Variants in BNC2 observed in about 807,000 individuals in gnomAD.
BNC2 encodes the protein basonuclin zinc finger protein 2.
Under a neutral mutation model 76.3 loss-of-function variants are expected in BNC2, and 20 were observed. The observed-to-expected ratio is 0.26, with a 90% confidence interval of 0.18 to 0.38. BNC2 has a LOEUF of 0.38. BNC2 is among the 10% of genes least tolerant of loss of function. The probability of loss-of-function intolerance (pLI) is 1.00; values close to 1 mark genes in which losing one functional copy is unlikely to be tolerated. For synonymous variants in BNC2, 582 were observed against 514.8 expected, an observed-to-expected ratio of 1.13 and a Z score of -1.77; for missense variants, 1,382 against 1,399.8, an observed-to-expected ratio of 0.99 and a Z score of 0.20.
chr9:16,650,225 C>T (rs977152639), intron 3 of BNC2, among the ~76,000 whole-genome samples: 4 of 152,136 alleles, frequency 2.6e-5, no homozygotes, highest in Admixed American at 1.3e-4. Flanking sequence ...TATTCTTAAA[C>T]GGAATTTTAC....
At chr9:16,832,418 A>G in intron 1 of BNC2, 1 of 564,118 alleles carries the variant, frequency 1.8e-6, no homozygotes, top group Non-Finnish European at 2.5e-6. Flanking sequence ...GTTCCTTTCA[A>G]GAACATAGCT....
chr9:16,423,889 T>C (rs993762828), intron 6 of BNC2, among the ~76,000 whole-genome samples: 11 of 152,154 alleles, frequency 7.2e-5, no homozygotes, highest in Non-Finnish European at 1.3e-4. Context: ...TAAAGACCAA[T>C]ATCACCCTTA....
chr9:16,815,649 G>A (rs1398263604), intron 1 of BNC2, among the ~76,000 whole-genome samples: 1 of 152,264 alleles, frequency 6.6e-6, no homozygotes, highest in Admixed American at 6.5e-5. Flanking sequence ...AACCATAATA[G>A]GGAAGAGGTT....
intron 1 of BNC2, among the ~76,000 whole-genome samples, chr9:16,839,106 A>G (rs1267956212): frequency 6.6e-6 from 1 of 152,250 alleles, no homozygotes; most frequent in Admixed American, 6.5e-5. Flanking sequence ...TTTCCAACAT[A>G]GTGGATTAAA....
rs182015366 is a variant in BNC2 at position 16,776,583 on chromosome 9, A to G, written c.4-38098T>C. Among the ~76,000 whole-genome samples, 92 of 152,372 alleles carry G rather than the reference A, an allele frequency of 6.0e-4. No individual in the cohort carries two copies. In the Middle Eastern group the frequency reaches 0.017, roughly 28 times the overall value. On this transcript the variant is annotated intron_variant, in intron 1 of 6. Transcript: ENST00000380672. ...TTAAAATAACTTCAGAAATATCCCA[A>G]TTTAGAGCAACAGCCAATTAATTGT...
At chr9:16,687,461 T>C (rs1350832031) in intron 3 of BNC2, among the ~76,000 whole-genome samples, 2 of 152,088 alleles carry the variant, frequency 1.3e-5, no homozygotes, top group Non-Finnish European at 2.9e-5. Flanking sequence ...GTGTCACACA[T>C]AGAAATAATG....
At chr9:16,731,560 A>T (rs1824504953) in intron 2 of BNC2, among the ~76,000 whole-genome samples, 1 of 152,222 alleles carries the variant, frequency 6.6e-6, no homozygotes, top group Non-Finnish European at 1.5e-5. Context: ...ATGGCTCTGA[A>T]AGTGACTTCT....
At position 16,606,475 on chromosome 9, in the gene BNC2, G is replaced by C. The variant is rs1820387954; in HGVS notation, c.331-23390C>G. On this transcript the variant is annotated intron_variant, in intron 3 of 6. Transcript: ENST00000380672. ...GGGAGATGGCTGAATCATCAGGGCA[G>C]GTCTTTCCCATGCTATTCTCTTGAC... Among the ~76,000 whole-genome samples, 2 of 151,996 alleles carry C rather than the reference G, an allele frequency of 1.3e-5. 1 individual carries two copies. The highest frequency in any genetic ancestry group is 4.8e-5 in the African/African-American group (2 of 41,388).
At chr9:16,678,494 C>T (rs1822725824) in intron 3 of BNC2, among the ~76,000 whole-genome samples, 1 of 151,776 alleles carries the variant, frequency 6.6e-6, no homozygotes, top group Non-Finnish European at 1.5e-5. Context: ...TGCTCTTGAG[C>T]TCCTGACTCA....
At chr9:16,605,644 A>G (rs1296954654) in intron 3 of BNC2, among the ~76,000 whole-genome samples, 1 of 152,242 alleles carries the variant, frequency 6.6e-6, no homozygotes, top group Non-Finnish European at 1.5e-5. Context: ...AAGAACTCAA[A>G]GTGACAACTT....
chr9:16,604,800 C>A (rs1208382565), intron 3 of BNC2, among the ~76,000 whole-genome samples: 1 of 148,010 alleles, frequency 6.8e-6, no homozygotes, highest in African/African-American at 2.5e-5. Flanking sequence ...GAGATTCCAA[C>A]TCAAGAAAAA....
chr9:16,683,728 A>G (rs1017521992), intron 3 of BNC2, among the ~76,000 whole-genome samples: 8 of 152,246 alleles, frequency 5.3e-5, no homozygotes, highest in Admixed American at 1.3e-4. Flanking sequence ...CATAATATGT[A>G]TATGTACTAG....
chr9:16,487,697 T>G (rs2131594826), intron 5 of BNC2, among the ~76,000 whole-genome samples: 1 of 152,328 alleles, frequency 6.6e-6, no homozygotes, highest in Non-Finnish European at 1.5e-5. Context: ...ACTCTTAAGA[T>G]TCCAGTAACA....
chr9:16,838,556 C>G (rs745700955), intron 1 of BNC2, among the ~76,000 whole-genome samples: 3 of 151,962 alleles, frequency 2.0e-5, no homozygotes, highest in Non-Finnish European at 2.9e-5. Context: ...AGCGAAACTC[C>G]GTGTTAAAAA....
chr9:16,733,885 A>G lies in BNC2; in HGVS notation c.129+4475T>C, dbSNP rs780864157. On this transcript the variant is annotated intron_variant, in intron 2 of 6. Transcript: ENST00000380672. ...GGCAAAAAGAGGGAAACTCCATCTG[A>G]AAAAAAAAAAAAGATTCACCTATGA... Among the ~76,000 whole-genome samples the G allele has an allele frequency of 1.3e-4, 19 of 144,066 alleles. 1 individual carries two copies. Among genetic ancestry groups the G allele is most frequent in the South Asian group, 1.1e-3 (5 of 4,554 alleles). The allele number at this position is 144,066 out of a possible 152,430, so 94.5% of individuals were successfully genotyped here. A position where few individuals can be genotyped will look rare whatever the true frequency, so the allele number is the denominator to read the frequency against.
chr9:16,437,299 C>G lies in BNC2; in HGVS notation c.895G>C (p.Ala299Pro), dbSNP rs1393977124. ...GAAGGATTGCTGTTCTCTAAGTGAGCAAGGAGGCTGGGACTCCTGGTGCGA... is the reference window on the plus strand; with the variant it reads ...GAAGGATTGCTGTTCTCTAAGTGAGGAAGGAGGCTGGGACTCCTGGTGCGA... ...NNRTRSPSLL[A>P]HLENSNPSSI... The change falls in exon 6 of 7, where the codon GCT becomes CCT. Residue 299 changes from alanine to proline, a missense_variant. This residue lies in a region of BNC2 where 557 missense variants were observed against 540.9 expected (regional missense o/e 1.03). Transcript: ENST00000380672. The G allele has an allele frequency of 6.2e-7, 1 of 1,614,136 alleles. No homozygotes were observed. The highest frequency in any genetic ancestry group is 1.1e-5 in the South Asian group (1 of 91,070).
intron 3 of BNC2, among the ~76,000 whole-genome samples, chr9:16,645,954 A>T (rs1379570554): frequency 3.3e-5 from 5 of 152,174 alleles, no homozygotes; most frequent in African/African-American, 1.2e-4. Context: ...ACATTATCGA[A>T]AATACACATC....
intron 3 of BNC2, among the ~76,000 whole-genome samples, chr9:16,642,326 A>G (rs1821512206): frequency 6.6e-6 from 1 of 152,218 alleles, no homozygotes; most frequent in Admixed American, 6.5e-5. Context: ...GCAATACTGC[A>G]ACAGCTTTTC....
chr9:16,629,909 G>A (rs1055126387), intron 3 of BNC2, among the ~76,000 whole-genome samples: 15 of 152,286 alleles, frequency 9.8e-5, no homozygotes, highest in Admixed American at 2.6e-4. Context: ...GGTGGCTGTG[G>A]TGTCTACTCA....
Sources: gnomAD v4.1 joint callset for allele counts (sites outside exome capture counted in the v4.1 genomes callset) on GRCh38, gnomAD v4.1.1 for gene constraint, gnomAD v4.1.1 regional missense constraint, MANE v1.5 for transcripts, NCBI Gene and HGNC (gene_info 2026-07-23, HGNC 2026-07-21) for gene names.